PKD1L3: variants seen among roughly 807,000 people sequenced by gnomAD.
The protein encoded by PKD1L3 is polycystin-1-like protein 3.
In PKD1L3, 239 loss-of-function variants were observed where a neutral mutation model predicts 184.1. The ratio of observed to expected loss-of-function variants is 1.30; its 90% confidence interval spans 1.17 to 1.45. The LOEUF (loss-of-function observed/expected upper bound fraction) is 1.45. PKD1L3 is among the 40% of genes most tolerant of loss of function. The probability of loss-of-function intolerance (pLI) is 0.00; values close to 1 mark genes in which losing one functional copy is unlikely to be tolerated. For missense variants in PKD1L3, 2,660 were observed against 2,067.2 expected, an observed-to-expected ratio of 1.29 and a Z score of -5.56; for synonymous variants, 996 against 778.8, an observed-to-expected ratio of 1.28 and a Z score of -4.64.
Position 71,998,278 on chromosome 16 carries a change from GGC to G in PKD1L3, c.410_411del (p.Cys137SerfsTer4). The G allele has an allele frequency of 6.4e-7, 1 of 1,551,836 alleles. No homozygotes were observed. Among genetic ancestry groups the G allele is most frequent in the Non-Finnish European group, 8.7e-7 (1 of 1,147,010 alleles). ...DKCLLKYYFICQTGDFLDGDA... is the reference protein window; with the variant it reads ...DKCLLKYYFIXQTGDFLDGDA... ...ATGTAGCTTTATCACTTACCAGTCT[GGC>G]AAATGAAATAGTATTTCAGTAAGCA... On this transcript the variant is annotated frameshift_variant, in exon 2 of 30. Transcript: ENST00000620267. LOFTEE classifies it high-confidence loss of function.
intron 23 of PKD1L3, 107 bp downstream of exon 23, chr16:71,943,923 A>G: frequency 7.6e-7 from 1 of 1,322,584 alleles, no homozygotes. Context: ...GAAGATTTTA[A>G]AAGACAGCTT....
Position 71,967,319 on chromosome 16 carries a change from C to T in PKD1L3, c.2287-4G>A. On this transcript the variant is annotated splice_region_variant and splice_polypyrimidine_tract_variant and intron_variant, in intron 14 of 29. Transcript: ENST00000620267. Reference sequence around the variant, plus strand: ...ATCCATAGAGGGTGATGACAACCTACAATGAGACAGGGAAAGATAAAATAT... The same window carrying T: ...ATCCATAGAGGGTGATGACAACCTATAATGAGACAGGGAAAGATAAAATAT... 1 of 1,547,966 alleles carries T rather than the reference C, an allele frequency of 6.5e-7. No individual in the cohort carries two copies. Among genetic ancestry groups the T allele is most frequent in the Non-Finnish European group, 8.7e-7 (1 of 1,145,520 alleles).
chr16:71,955,723 G>A (rs550092837), intron 16 of PKD1L3, among the ~76,000 whole-genome samples: 2 of 152,182 alleles, frequency 1.3e-5, no homozygotes, highest in South Asian at 4.2e-4. Flanking sequence ...GGAGGAACCA[G>A]GTGGAGATAA....
At chr16:71,938,580 T>G (rs1361912982) in intron 24 of PKD1L3, among the ~76,000 whole-genome samples, 3 of 152,224 alleles carry the variant, frequency 2.0e-5, no homozygotes, top group African/African-American at 4.8e-5. Flanking sequence ...TTATGGCGCT[T>G]CTTCTGGGCC....
intron 11 of PKD1L3, among the ~76,000 whole-genome samples, chr16:71,975,228 T>A (rs1290561890): frequency 6.6e-6 from 1 of 151,672 alleles, no homozygotes; most frequent in African/African-American, 2.4e-5. Flanking sequence ...GCTAATTTTT[T>A]TTTTTTTTTT....
chr16:71,961,316 T>C (rs894857992), intron 16 of PKD1L3, among the ~76,000 whole-genome samples: 1 of 151,688 alleles, frequency 6.6e-6, no homozygotes, highest in Non-Finnish European at 1.5e-5. Context: ...AGAGAAGGGG[T>C]TTTACCATGT....
At chr16:71,935,666 T>G (rs1262266770) in intron 25 of PKD1L3, 148 bp from the exon 26 acceptor site, 1 of 733,350 alleles carries the variant, frequency 1.4e-6, no homozygotes, top group Non-Finnish European at 2.1e-6. Flanking sequence ...TGGGTTATGG[T>G]CTTAGTTCAG....
At position 71,934,096 on chromosome 16, in the gene PKD1L3, A is replaced by G; in HGVS notation, c.4643T>C (p.Val1548Ala). Residue 1548 changes from valine to alanine, a missense_variant, in exon 27 of 30, where the codon GTG (valine) becomes GCG (alanine). By Grantham distance (64) the Val-to-Ala change is moderately conservative. Transcript: ENST00000620267. Reference sequence around the variant, plus strand: ...CACAAGGTGAGTCGCAGCAGAGTTCACTTTTACTGCCTCATAGAAGCTGAT... The same window carrying G: ...CACAAGGTGAGTCGCAGCAGAGTTCGCTTTTACTGCCTCATAGAAGCTGAT... ...RFISFYEAVK[V>A]NSAATHLVGF... 4 of 1,551,902 alleles carry G rather than the reference A, an allele frequency of 2.6e-6. No homozygotes were observed. Among genetic ancestry groups the G allele is most frequent in the Non-Finnish European group, 3.5e-6 (4 of 1,147,024 alleles).
In PKD1L3 at chr16:71,952,976, G is replaced by C; in HGVS notation, c.2927C>G (p.Thr976Ser). 6.5e-7 allele frequency: 1 copy of C among 1,550,082 alleles called. No homozygotes were observed. Among genetic ancestry groups the C allele is most frequent in the Non-Finnish European group, 8.7e-7 (1 of 1,146,370 alleles). Reference sequence around the variant, plus strand: ...CTGGATGGGAGGAAAGAGGGGCAGAGTCTCCTGTGGCTCAATCAACGGGAA... The same window carrying C: ...CTGGATGGGAGGAAAGAGGGGCAGACTCTCCTGTGGCTCAATCAACGGGAA... The part of the protein sequence containing the change: ...RLFPLIEPQE[T>S]LPLFPPIQAS... The change falls in exon 18 of 30, where the codon ACT becomes AGT. Residue 976 changes from threonine (T) to serine (S), a missense_variant. Transcript: ENST00000620267.
chr16:71,936,040 C>A (rs1054179946), intron 25 of PKD1L3, among the ~76,000 whole-genome samples: 2 of 151,974 alleles, frequency 1.3e-5, no homozygotes, highest in African/African-American at 4.8e-5. Flanking sequence ...AAGTGATCTG[C>A]CTACCTCAGC....
intron 19 of PKD1L3, among the ~76,000 whole-genome samples, 186 bp downstream of exon 19, chr16:71,951,377 GA>G (rs771784797): frequency 9.9e-5 from 15 of 152,280 alleles, no homozygotes; most frequent in South Asian, 8.3e-4. Context: ...TCACCAGATA[GA>G]GAAAGATTGT....
Position 71,942,132 on chromosome 16 carries a change from T to C in PKD1L3, c.4324+428A>G, listed in dbSNP as rs115216151. ...GAGTTCAAGACCAGCCTGGCAAACATGGCGAAACCCCATAAAATATGTAAA... is the reference window on the plus strand; with the variant it reads ...GAGTTCAAGACCAGCCTGGCAAACACGGCGAAACCCCATAAAATATGTAAA... On this transcript the variant is annotated intron_variant, in intron 24 of 29. Transcript: ENST00000620267. Among the ~76,000 whole-genome samples the C allele has an allele frequency of 9.4e-3, 1,421 of 151,686 alleles. 19 individuals carry two copies. Among genetic ancestry groups the C allele is most frequent in the African/African-American group, 0.033 (1,359 of 41,368 alleles).
At chr16:71,978,212 A>T in intron 10 of PKD1L3, 43 bp downstream of exon 10, 1 of 1,527,528 alleles carries the variant, frequency 6.5e-7, no homozygotes, top group Non-Finnish European at 8.9e-7. Context: ...GTTGCAGAAT[A>T]TCCCATTCTC....
At chr16:71,962,070 T>C (rs2143518998) in intron 16 of PKD1L3, among the ~76,000 whole-genome samples, 1 of 151,496 alleles carries the variant, frequency 6.6e-6, no homozygotes, top group South Asian at 2.1e-4. Flanking sequence ...GACTACAGTC[T>C]CATGCTACCA....
intron 15 of PKD1L3, among the ~76,000 whole-genome samples, chr16:71,964,849 A>ATTTTT (rs35311851): frequency 7.3e-6 from 1 of 137,612 alleles, no homozygotes; most frequent in African/African-American, 2.7e-5. Flanking sequence ...ATATATATGT[A>ATTTTT]TTTTTTTTTT....
rs1461435775 is a variant in PKD1L3 at position 71,929,653 on chromosome 16, A to G, written c.5084T>C (p.Leu1695Pro). The G allele has an allele frequency of 6.4e-7, 1 of 1,551,630 alleles. No homozygotes were observed. The highest frequency in any genetic ancestry group is 8.7e-7 in the Non-Finnish European group (1 of 1,146,796). Residue 1695 changes from leucine to proline, a missense_variant, in exon 30 of 30, where the codon CTG (leucine) becomes CCG (proline). Coordinates refer to ENST00000620267, the MANE Select transcript of PKD1L3 (RefSeq NM_181536.2). Reference protein sequence around the residue: ...LKKEAALIDTLLQKLSNLLGI... With the variant: ...LKKEAALIDTPLQKLSNLLGI... ...TAACAAATTTGAGAGCTTCTGTAGC[A>G]GTGTATCTATTAGTGCAGCTTCTTT...
chr16:71,940,964 T>G (rs1375650576), intron 24 of PKD1L3, among the ~76,000 whole-genome samples: 2 of 152,096 alleles, frequency 1.3e-5, no homozygotes, highest in Admixed American at 6.6e-5. Flanking sequence ...GCCTCCCAAG[T>G]AGCTGAGACA....
At chr16:71,996,384 C>T (rs996959977) in intron 2 of PKD1L3, among the ~76,000 whole-genome samples, 2 of 151,394 alleles carry the variant, frequency 1.3e-5, no homozygotes, top group Non-Finnish European at 2.9e-5. Context: ...CCTCAGCCTC[C>T]TGAGTACCTG....
At chr16:71,958,498 G>A (rs979865966) in intron 16 of PKD1L3, among the ~76,000 whole-genome samples, 1 of 151,928 alleles carries the variant, frequency 6.6e-6, no homozygotes, top group African/African-American at 2.4e-5. Flanking sequence ...ACAGAAAACT[G>A]GCTGGACGTG....
Sources: gnomAD v4.1 joint callset for allele counts (sites outside exome capture counted in the v4.1 genomes callset) on GRCh38, gnomAD v4.1.1 for gene constraint, MANE v1.5 for transcripts, NCBI Gene and HGNC (gene_info 2026-07-23, HGNC 2026-07-21) for gene names.